Variants in FAM187A observed in about 807,000 individuals in gnomAD.
FAM187A encodes the protein family with sequence similarity 187 member A.
Under a neutral mutation model 6.4 loss-of-function variants are expected in FAM187A, and 4 were observed. That is an observed-to-expected ratio of 0.63 (90% confidence interval 0.31 to 1.44). The LOEUF (loss-of-function observed/expected upper bound fraction) is 1.44, where lower values mean the gene tolerates loss of function less well. FAM187A is among the 40% of genes most tolerant of loss of function. The pLI is 0.07. For missense variants in FAM187A, 463 were observed against 542.2 expected (o/e 0.85, Z 1.45); for synonymous variants, 221 against 213.4 (o/e 1.04, Z -0.31).
In FAM187A at chr17:44,903,664, A is replaced by ATTGCC; in HGVS notation, c.-161_-157dup. On this transcript the variant is annotated 5_prime_UTR_variant, in exon 4 of 4. An upstream open reading frame in the 5' UTR loses its in-frame stop. Coordinates refer to ENST00000331733, the Ensembl canonical transcript of FAM187A. ...CATCTTGTACATCCACTGGGAATAAATTGCCTTGCACTTGGCGGCTTCCTC... is the reference window on the plus strand; with the variant it reads ...CATCTTGTACATCCACTGGGAATAAATTGCCTTGCCTTGCACTTGGCGGCTTCCTC... The ATTGCC allele has an allele frequency of 7.0e-7, 1 of 1,433,456 alleles. No individual in the cohort carries two copies. The highest frequency in any genetic ancestry group is 2.5e-5 in the East Asian group (1 of 39,970). 88.8% of individuals were successfully genotyped at this position (1,433,456 alleles called of 1,614,324 possible).
chr17:44,905,202 C>T lies in FAM187A; in HGVS notation c.*131C>T. The T allele has an allele frequency of 2.9e-5, 21 of 729,302 alleles. No individual in the cohort carries two copies. In the South Asian group the frequency reaches 4.0e-4, roughly 14 times the overall value. The allele number at this position is 729,302 out of a possible 1,614,324, so 45.2% of individuals were successfully genotyped here. A position where few individuals can be genotyped will look rare whatever the true frequency, so the allele number is the denominator to read the frequency against. On this transcript the variant is annotated 3_prime_UTR_variant, in exon 4 of 4. Transcript: ENST00000331733. ...GTGGACAAATCTGTTACAGCCTGCT[C>T]CCCATTTTCATGGGCAGGTCTGGGA...
At chr17:44,903,536 C>T in exon 4 of FAM187A, 2 of 1,322,756 alleles carry the variant, frequency 1.5e-6, no homozygotes, top group Non-Finnish European at 1.9e-6. Flanking sequence ...TCCTTTGACC[C>T]ATTCTTGGGT....
chr17:44,903,811 AC>A, exon 4 of FAM187A: 1 of 1,542,482 alleles, frequency 6.5e-7, no homozygotes, highest in Non-Finnish European at 8.8e-7. Context: ...TGCCCCTCTG[AC>A]CCCTGCCTCC....
At chr17:44,904,200 T>A in exon 4 of FAM187A, 1 of 1,550,606 alleles carries the variant, frequency 6.4e-7, no homozygotes. Context: ...GGCCTGTACT[T>A]CTGCGGCACC....
At chr17:44,904,641 A>C in exon 4 of FAM187A, 1 of 1,550,560 alleles carries the variant, frequency 6.4e-7, no homozygotes. Context: ...TGGGTGCCCC[A>C]GGTGCCCATT....
At chr17:44,904,296 A>G in exon 4 of FAM187A, 1 of 1,548,116 alleles carries the variant, frequency 6.5e-7, no homozygotes, top group Non-Finnish European at 8.7e-7. Flanking sequence ...AAGGGCCAGG[A>G]GCCCTTTGCA....
exon 4 of FAM187A, chr17:44,905,243 G>A (rs2051637251): frequency 1.6e-5 from 10 of 616,282 alleles, no homozygotes; most frequent in Non-Finnish European, 2.6e-5. Context: ...TCTGAGAAGT[G>A]GAGGGGCCTG....
exon 4 of FAM187A, chr17:44,903,667 G>A (rs2051600934): frequency 7.0e-7 from 1 of 1,435,258 alleles, no homozygotes; most frequent in South Asian, 1.5e-5. Flanking sequence ...GGAATAAATT[G>A]CCTTGCACTT....
At position 44,903,783 on chromosome 17, in the gene FAM187A, A is replaced by G; in HGVS notation, c.-47A>G. On this transcript the variant is annotated 5_prime_UTR_variant, in exon 4 of 4. It removes the in-frame stop codon of an upstream open reading frame in the 5' UTR. Coordinates refer to ENST00000331733, the Ensembl canonical transcript of FAM187A. ...CTTTCTAGGAGCCCTATGAGCCTTT[A>G]ATGCCCTGGTTTTGCCCTGCCCCTC... The G allele has an allele frequency of 6.6e-7, 1 of 1,512,132 alleles. No homozygotes were observed. Among genetic ancestry groups the G allele is most frequent in the Non-Finnish European group, 8.9e-7 (1 of 1,128,874 alleles). The allele number at this position is 1,512,132 out of a possible 1,614,324, so 93.7% of individuals were successfully genotyped here.
At position 44,904,918 on chromosome 17, in the gene FAM187A, G is replaced by A; in HGVS notation, c.1089G>A (p.Gly363=). ...TCCGGCTGGGTGTGACATCTCATGG[G>A]CACTACCCAGCCTCGTTCTCAGATC... The change falls in exon 4 of 4, where the codon GGG becomes GGA. Residue 363 remains glycine (G), a synonymous_variant. Coordinates refer to ENST00000331733, the Ensembl canonical transcript of FAM187A. 2.6e-6 allele frequency: 4 copies of A among 1,550,616 alleles called. No homozygotes were observed. Among genetic ancestry groups the A allele is most frequent in the Middle Eastern group, 1.7e-4 (1 of 5,992 alleles).
At chr17:44,903,688 T>C (rs1381225888) in exon 4 of FAM187A, 2 of 1,437,480 alleles carry the variant, frequency 1.4e-6, no homozygotes, top group African/African-American at 2.9e-5. Flanking sequence ...GGCGGCTTCC[T>C]CTGCAGATTG....
chr17:44,904,370 T>A, exon 4 of FAM187A: 1 of 1,543,802 alleles, frequency 6.5e-7, no homozygotes, highest in Non-Finnish European at 8.8e-7. Context: ...CTGTGACCGC[T>A]GCGGAGTGCG....
At chr17:44,904,144 C>T in exon 4 of FAM187A, 3 of 1,550,390 alleles carry the variant, frequency 1.9e-6, no homozygotes, top group Non-Finnish European at 2.6e-6. Context: ...GCTTCAGCAT[C>T]CGCATGTTCA....
rs746549043 is a variant in FAM187A at position 44,905,067 on chromosome 17, C to G, written c.1238C>G (p.Pro413Arg). Residue 413 changes from proline to arginine, a missense_variant, in exon 4 of 4, where the codon CCC becomes CGC. Coordinates refer to ENST00000331733, the Ensembl canonical transcript of FAM187A. ...TTTCACTGTTGTCCCAGCTTCTCCC[C>G]CTAGGAGCTCTCTTCAGCTCTGAAG... 1.5e-5 allele frequency: 23 copies of G among 1,535,318 alleles called. No individual in the cohort carries two copies. The South Asian group carries it at 2.4e-4, about 16-fold the overall frequency.
exon 4 of FAM187A, chr17:44,905,224 G>C (rs1376828715): frequency 9.1e-6 from 6 of 656,188 alleles, no homozygotes; most frequent in Non-Finnish European, 1.6e-5. Context: ...GGGCAGGTCT[G>C]GGACCTGATC....
exon 4 of FAM187A, chr17:44,905,022 G>A: frequency 2.6e-6 from 4 of 1,550,076 alleles, no homozygotes; most frequent in South Asian, 2.4e-5. Flanking sequence ...ATTCACTTCT[G>A]TCGTTGCTGC....
At chr17:44,904,363 T>C in exon 4 of FAM187A, 1 of 1,544,436 alleles carries the variant, frequency 6.5e-7, no homozygotes, top group Non-Finnish European at 8.8e-7. Context: ...GGACCCCCTG[T>C]GACCGCTGCG....
rs2145620005 is a variant in FAM187A at position 44,904,605 on chromosome 17, ATG to A, written c.780_781del (p.Ser261GlnfsTer64). On this transcript the variant is annotated frameshift_variant, in exon 4 of 4. Coordinates refer to ENST00000331733, the Ensembl canonical transcript of FAM187A. LOFTEE classifies it high-confidence loss of function. ...GAGGGCGTGCTGGCCATCATTAACT[ATG>A]TGTCCAAAGTGGGCAGCCGGCCCTG... 5 of 1,550,446 alleles carry A rather than the reference ATG, an allele frequency of 3.2e-6. No homozygotes were observed. Among genetic ancestry groups the A allele is most frequent in the Non-Finnish European group, 4.4e-6 (5 of 1,146,888 alleles).
At chr17:44,904,509 C>A (rs1334230951) in exon 4 of FAM187A, 2 of 1,549,874 alleles carry the variant, frequency 1.3e-6, no homozygotes, top group Non-Finnish European at 1.7e-6. Context: ...CGGACCAAGG[C>A]CAGGGACCAC....
Sources: allele counts gnomAD v4.1 joint callset, GRCh38; gene constraint gnomAD v4.1.1; transcripts MANE v1.5; gene names NCBI Gene and HGNC (gene_info 2026-07-23, HGNC 2026-07-21).